Variants in PLCL2 observed in about 807,000 individuals in gnomAD.
PLCL2 encodes inactive phospholipase C-like protein 2.
A neutral mutation model predicts 79.6 loss-of-function variants in PLCL2; 4 were observed. That is an observed-to-expected ratio of 0.05 (90% CI 0.02 to 0.11). PLCL2 has a LOEUF of 0.11. Ranked by LOEUF, PLCL2 falls within the 10% of genes least tolerant of loss-of-function variation. The pLI is 1.00. For missense variants in PLCL2, 895 were observed against 1,291.0 expected, an observed-to-expected ratio of 0.69 and a Z score of 4.70; for synonymous variants, 484 against 457.7, an observed-to-expected ratio of 1.06 and a Z score of -0.73.
intron 3 of PLCL2, among the ~76,000 whole-genome samples, chr3:17,035,928 C>A (rs533518899): frequency 6.6e-6 from 1 of 152,180 alleles, no homozygotes; most frequent in East Asian, 1.9e-4. Flanking sequence ...TTTTATCAAG[C>A]GCATGTCAAG....
chr3:16,934,323 C>T (rs1185208733), intron 1 of PLCL2, among the ~76,000 whole-genome samples: 1 of 152,104 alleles, frequency 6.6e-6, no homozygotes, highest in Non-Finnish European at 1.5e-5. Context: ...GAGAGATTGA[C>T]CCTAAGGAAG....
At chr3:17,036,602 TC>T (rs577438573) in intron 3 of PLCL2, among the ~76,000 whole-genome samples, 4 of 152,176 alleles carry the variant, frequency 2.6e-5, no homozygotes, top group Non-Finnish European at 5.9e-5. Flanking sequence ...GCTTACAAAT[TC>T]CCAAGGGCAT....
At chr3:16,892,834 G>A (rs1264864811) in intron 1 of PLCL2, among the ~76,000 whole-genome samples, 2 of 152,146 alleles carry the variant, frequency 1.3e-5, no homozygotes, top group African/African-American at 4.8e-5. Context: ...TACAAGGTTT[G>A]GGAATTTCCA....
At chr3:16,902,881 T>TGTGTGCGC (rs1272936432) in intron 1 of PLCL2, among the ~76,000 whole-genome samples, 16 of 133,900 alleles carry the variant, frequency 1.2e-4, no homozygotes, top group African/African-American at 4.4e-4. Flanking sequence ...TGTGTGTGTG[T>TGTGTGCGC]GNGCGCATGT....
At chr3:17,063,232 C>G (rs1256618073) in intron 4 of PLCL2, among the ~76,000 whole-genome samples, 3 of 85,092 alleles carry the variant, frequency 3.5e-5, no homozygotes, top group Non-Finnish European at 4.9e-5. Flanking sequence ...CTTCCTCCCT[C>G]CCTCCCTCCC....
Position 17,089,955 on chromosome 3 carries a change from C to T in PLCL2, c.*43C>T. The T allele has an allele frequency of 4.5e-6, 7 of 1,571,922 alleles. No individual in the cohort carries two copies. The South Asian group carries it at 8.3e-5, about 19-fold the overall frequency. On this transcript the variant is annotated 3_prime_UTR_variant, in exon 6 of 6. Transcript: ENST00000615277. ...CATTATGGAGTTTATAACTCTAGGA[C>T]CAATTGTAGTCAGATGGGACATTTG...
intron 4 of PLCL2, among the ~76,000 whole-genome samples, chr3:17,061,446 G>A (rs1036287860): frequency 6.6e-6 from 1 of 152,000 alleles, no homozygotes; most frequent in Non-Finnish European, 1.5e-5. Context: ...ATTTAATTAT[G>A]CCATCTTGAA....
chr3:17,008,009 AAAT>A (rs2064280640), intron 1 of PLCL2, among the ~76,000 whole-genome samples: 1 of 152,206 alleles, frequency 6.6e-6, no homozygotes, highest in Admixed American at 6.5e-5. Context: ...GGAAGGACTT[AAAT>A]ACACACACAG....
intron 1 of PLCL2, among the ~76,000 whole-genome samples, chr3:16,977,113 C>T (rs569661971): frequency 8.6e-5 from 13 of 151,620 alleles, no homozygotes; most frequent in South Asian, 4.2e-4. Flanking sequence ...CCATTGAATA[C>T]GCACACACAC....
In PLCL2 at chr3:17,041,414, C is replaced by T. The variant is rs1575600553; in HGVS notation, c.3019-1460C>T. ...TATGAAGGCGTAAATAAATGCCTGC[C>T]TTGGCCTTTAAACTTTTGATGTTTA... On this transcript the variant is annotated intron_variant, in intron 3 of 5. Coordinates refer to ENST00000615277, the MANE Select transcript of PLCL2 (RefSeq NM_001144382.2). 1.3e-5 allele frequency among the ~76,000 whole-genome samples: 2 copies of T among 152,250 alleles called. 1 individual carries two copies. The highest frequency in any genetic ancestry group is 4.8e-5 in the African/African-American group (2 of 41,554).
chr3:16,961,406 C>G (rs1311101551), intron 1 of PLCL2, among the ~76,000 whole-genome samples: 1 of 152,156 alleles, frequency 6.6e-6, no homozygotes, highest in Non-Finnish European at 1.5e-5. Context: ...TAGAGACTGA[C>G]AAGTCAACAT....
chr3:16,966,145 G>A (rs2063803930), intron 1 of PLCL2, among the ~76,000 whole-genome samples: 1 of 150,094 alleles, frequency 6.7e-6, no homozygotes, highest in Admixed American at 6.6e-5. Context: ...TATGATATTG[G>A]CTGTGAGTTT....
chr3:16,891,153 G>A (rs1378562304), intron 1 of PLCL2, among the ~76,000 whole-genome samples: 2 of 152,190 alleles, frequency 1.3e-5, no homozygotes, highest in African/African-American at 4.8e-5. Context: ...GAATTGTGGT[G>A]GGAACAATAG....
chr3:17,063,725 A>G (rs2064980265), intron 4 of PLCL2, among the ~76,000 whole-genome samples: 1 of 152,110 alleles, frequency 6.6e-6, no homozygotes. Flanking sequence ...AACAGTCTCC[A>G]CTTTTGCCTG....
At chr3:17,052,809 T>G (rs1341784109) in intron 4 of PLCL2, among the ~76,000 whole-genome samples, 3 of 152,190 alleles carry the variant, frequency 2.0e-5, no homozygotes, top group African/African-American at 7.2e-5. Flanking sequence ...CATTTTCTCT[T>G]CCTCGTGATT....
intron 3 of PLCL2, among the ~76,000 whole-genome samples, chr3:17,032,003 C>T (rs1232651541): frequency 7.5e-6 from 1 of 133,658 alleles, no homozygotes; most frequent in Non-Finnish European, 1.6e-5. Flanking sequence ...AGATCAAATT[C>T]AAAACTCCTT....
chr3:16,909,207 G>C (rs1696818282), intron 1 of PLCL2, among the ~76,000 whole-genome samples: 3 of 152,086 alleles, frequency 2.0e-5, no homozygotes, highest in Admixed American at 2.0e-4. Context: ...TCCTTGTTTT[G>C]AGTTTCAGTT....
At chr3:17,083,684 T>TTA (rs999144722) in intron 5 of PLCL2, among the ~76,000 whole-genome samples, 1 of 152,172 alleles carries the variant, frequency 6.6e-6, no homozygotes, top group African/African-American at 2.4e-5. Flanking sequence ...GTGAGAAACT[T>TTA]TATATATATG....
rs114752817 is a variant in PLCL2, at chr3:17,033,085, G to A, written c.3019-9789G>A. 6.6e-3 allele frequency among the ~76,000 whole-genome samples: 1,012 copies of A among 152,236 alleles called. 7 individuals are homozygous for A. Among genetic ancestry groups the A allele is most frequent in the Non-Finnish European group, 0.012 (801 of 68,008 alleles). On this transcript the variant is annotated intron_variant, in intron 3 of 5. Transcript: ENST00000615277. ...ATGTAGTACATAAGAGGTTCAGACC[G>A]TATCAGGGTTTAGATAAAAGTTATG...
Sources: allele counts gnomAD v4.1 joint callset (sites outside exome capture counted in the v4.1 genomes callset), GRCh38; gene constraint gnomAD v4.1.1; transcripts MANE v1.5; gene names NCBI Gene and HGNC (gene_info 2026-07-23, HGNC 2026-07-21).